The following SLC26A5 variants were observed in gnomAD, a reference collection of about 807,000 sequenced individuals.
SLC26A5 encodes prestin.
Under a neutral mutation model 81.0 loss-of-function variants are expected in SLC26A5, and 51 were observed. That is an observed-to-expected ratio of 0.63 (90% CI 0.50 to 0.80). SLC26A5 has a LOEUF of 0.80. Among genes scored for constraint, SLC26A5 ranks in the 30% least tolerant of loss-of-function variants. The pLI is 0.00. For missense variants in SLC26A5, 771 were observed against 905.8 expected (o/e 0.85, Z 1.91); for synonymous variants, 325 against 332.8 (o/e 0.98, Z 0.25).
intron 17 of SLC26A5, among the ~76,000 whole-genome samples, 187 bp downstream of exon 17, chr7:103,378,259 C>CT (rs919410062): frequency 3.9e-5 from 6 of 152,084 alleles, no homozygotes; most frequent in African/African-American, 1.4e-4. Flanking sequence ...GTTTTCCTTA[C>CT]TTTTTTCAGA....
At chr7:103,382,961 T>C (rs747449247) in intron 14 of SLC26A5, among the ~76,000 whole-genome samples, 4 of 152,178 alleles carry the variant, frequency 2.6e-5, no homozygotes, top group Admixed American at 2.0e-4. Flanking sequence ...AGCATGAATG[T>C]CAAAGGACTT....
intron 12 of SLC26A5, among the ~76,000 whole-genome samples, chr7:103,389,698 C>G (rs917606253): frequency 5.3e-5 from 8 of 152,174 alleles, no homozygotes; most frequent in Non-Finnish European, 8.8e-5. Context: ...TCTTGGCTAA[C>G]TGCAACCTCT....
At chr7:103,353,126 C>T (rs970471935) in intron 19 of SLC26A5, among the ~76,000 whole-genome samples, 1 of 152,012 alleles carries the variant, frequency 6.6e-6, no homozygotes, top group Non-Finnish European at 1.5e-5. Context: ...TCCCAGATAA[C>T]CACCGTAGAA....
intron 19 of SLC26A5, chr7:103,368,327 G>A (rs1820830693): frequency 3.8e-6 from 1 of 264,540 alleles, no homozygotes; most frequent in Admixed American, 5.1e-5. Context: ...GCATATGCTG[G>A]CCGGGTGCTC....
At chr7:103,387,206 G>A (rs965564152) in intron 14 of SLC26A5, among the ~76,000 whole-genome samples, 1 of 152,160 alleles carries the variant, frequency 6.6e-6, no homozygotes, top group Non-Finnish European at 1.5e-5. Flanking sequence ...TGTTATTAAA[G>A]GTAGTTAAAT....
chr7:103,360,337 C>T (rs1820307508), intron 19 of SLC26A5, among the ~76,000 whole-genome samples: 1 of 152,098 alleles, frequency 6.6e-6, no homozygotes, highest in Non-Finnish European at 1.5e-5. Flanking sequence ...TCTTGTTTTT[C>T]CTTTCAGGTT....
intron 4 of SLC26A5, among the ~76,000 whole-genome samples, chr7:103,419,132 G>C (rs375847048): frequency 1.3e-5 from 2 of 152,122 alleles, no homozygotes; most frequent in East Asian, 1.9e-4. Flanking sequence ...TTTGCCTTCT[G>C]CCATGATTGT....
chr7:103,361,898 T>C (rs1820436055), intron 19 of SLC26A5: 3 of 1,511,372 alleles, frequency 2.0e-6, no homozygotes, highest in Non-Finnish European at 2.7e-6. Context: ...ATCTAGTTAG[T>C]TGAATTCATT....
At chr7:103,393,652 C>T (rs1822857883) in intron 9 of SLC26A5, among the ~76,000 whole-genome samples, 1 of 151,794 alleles carries the variant, frequency 6.6e-6, no homozygotes, top group African/African-American at 2.4e-5. Context: ...AGACTATACT[C>T]CTTGGGTGTC....
intron 19 of SLC26A5, chr7:103,368,267 T>G: frequency 2.0e-6 from 1 of 497,898 alleles, no homozygotes; most frequent in Admixed American, 3.7e-5. Context: ...CACACCCGTT[T>G]AAGGATTTCA....
intron 19 of SLC26A5, among the ~76,000 whole-genome samples, chr7:103,366,901 T>A (rs906244390): frequency 2.0e-5 from 3 of 152,096 alleles, no homozygotes; most frequent in Non-Finnish European, 4.4e-5. Flanking sequence ...GCCTCCTGGG[T>A]TCAAGCAATT....
chr7:103,401,420 G>C (rs1373314712), intron 8 of SLC26A5, among the ~76,000 whole-genome samples: 1 of 152,138 alleles, frequency 6.6e-6, no homozygotes, highest in Non-Finnish European at 1.5e-5. Context: ...TTTGTATCCC[G>C]ATACTTTGCT....
intron 8 of SLC26A5, among the ~76,000 whole-genome samples, chr7:103,402,384 C>A (rs930111864): frequency 4.1e-5 from 6 of 146,174 alleles, no homozygotes; most frequent in East Asian, 2.0e-4. Context: ...GTAGTTTGTA[C>A]GTATTGCTCT....
intron 19 of SLC26A5, among the ~76,000 whole-genome samples, chr7:103,366,334 A>G (rs892996805): frequency 2.6e-5 from 4 of 152,258 alleles, no homozygotes; most frequent in Non-Finnish European, 4.4e-5. Flanking sequence ...TATAAAGGCA[A>G]GAAGACACAT....
At chr7:103,408,066 C>T in intron 7 of SLC26A5, 63 bp from the exon 8 acceptor site, 1 of 1,596,718 alleles carries the variant, frequency 6.3e-7, no homozygotes, top group Non-Finnish European at 8.6e-7. Flanking sequence ...GACAGAGACA[C>T]TCTAGCGCAC....
rs747786975 is a variant in SLC26A5, at chr7:103,367,877, A to C, written c.2041+8931T>G. On this transcript the variant is annotated intron_variant, in intron 19 of 19. Transcript: ENST00000339444. This position sits in a 1 kb window ranked among gnomAD's most constrained non-coding sequence, Gnocchi z 6.1. The stretch of plus-strand genomic sequence containing the variant: ...CAGGCTGCTTTAATTAAGCCCGTTT[A>C]TTTTCTTTTTGTTTGAAAGGTGCTG... The C allele has an allele frequency of 1.9e-6, 3 of 1,611,296 alleles. No individual in the cohort carries two copies. The highest frequency in any genetic ancestry group is 2.5e-6 in the Non-Finnish European group (3 of 1,178,980).
intron 8 of SLC26A5, among the ~76,000 whole-genome samples, chr7:103,404,399 C>A (rs1823861070): frequency 1.3e-5 from 2 of 152,142 alleles, no homozygotes; most frequent in Admixed American, 1.3e-4. Flanking sequence ...AATCTCTCAG[C>A]ATTTGCTTGT....
At chr7:103,364,402 C>T in intron 19 of SLC26A5, 1 of 1,385,942 alleles carries the variant, frequency 7.2e-7, no homozygotes, top group Non-Finnish European at 9.9e-7. Context: ...GGGATCCAGA[C>T]CTGAAATTTC....
intron 2 of SLC26A5, among the ~76,000 whole-genome samples, chr7:103,429,234 G>T (rs1168952508): frequency 6.6e-6 from 1 of 151,994 alleles, no homozygotes; most frequent in Non-Finnish European, 1.5e-5. Flanking sequence ...GTGAACCGGA[G>T]GTATCAGAAA....
Sources: allele counts gnomAD v4.1 joint callset (sites outside exome capture counted in the v4.1 genomes callset), GRCh38; gene constraint gnomAD v4.1.1; non-coding constraint Gnocchi (gnomAD v3.1); transcripts MANE v1.5; gene names NCBI Gene and HGNC (gene_info 2026-07-23, HGNC 2026-07-21).